DAB1: variants seen among roughly 807,000 people sequenced by gnomAD.
DAB1 encodes the protein disabled homolog 1.
Under a neutral mutation model 64.6 loss-of-function variants are expected in DAB1, and 15 were observed. The ratio of observed to expected loss-of-function variants is 0.23; its 90% CI spans 0.16 to 0.36. DAB1 has a LOEUF of 0.36. Among genes scored for constraint, DAB1 ranks in the 10% least tolerant of loss-of-function variants. The pLI, the probability that DAB1 is intolerant of heterozygous loss-of-function variation, is 1.00. For missense variants in DAB1, 596 were observed against 706.7 expected, an observed-to-expected ratio of 0.84 and a Z score of 1.78; for synonymous variants, 235 against 251.9, an observed-to-expected ratio of 0.93 and a Z score of 0.64.
intron 8 of DAB1, among the ~76,000 whole-genome samples, chr1:57,063,968 C>A (rs571366875): frequency 2.1e-4 from 32 of 152,300 alleles, no homozygotes; most frequent in African/African-American, 7.5e-4. Flanking sequence ...AATGGTCTGA[C>A]AACATGCCTT....
chr1:57,941,247 A>G (rs1209933685), intron 5 of DAB1, among the ~76,000 whole-genome samples: 1 of 152,214 alleles, frequency 6.6e-6, no homozygotes, highest in Non-Finnish European at 1.5e-5. Flanking sequence ...CAGACACTGG[A>G]GATGGTCCAT....
At chr1:58,105,842 T>C (rs1180687632) in intron 5 of DAB1, among the ~76,000 whole-genome samples, 5 of 152,204 alleles carry the variant, frequency 3.3e-5, no homozygotes, top group Admixed American at 3.3e-4. Flanking sequence ...TCTCTGCCAT[T>C]TGCTTAGTTC....
intron 2 of DAB1, among the ~76,000 whole-genome samples, chr1:57,223,811 C>A (rs554761575): frequency 6.6e-6 from 1 of 152,184 alleles, no homozygotes; most frequent in African/African-American, 2.4e-5. Context: ...AGGGCCTGAG[C>A]TGGTCCTGCT....
chr1:58,085,543 T>G (rs1393564667), intron 5 of DAB1, among the ~76,000 whole-genome samples: 1 of 151,832 alleles, frequency 6.6e-6, no homozygotes, highest in Non-Finnish European at 1.5e-5. Flanking sequence ...TTTCAAAAAC[T>G]TTTGCATAGA....
At chr1:57,121,139 A>AAGG (rs759548105) in intron 4 of DAB1, among the ~76,000 whole-genome samples, 107 of 78,416 alleles carry the variant, frequency 1.4e-3, no homozygotes, top group Non-Finnish European at 2.4e-3. Flanking sequence ...AGAGAAGAAG[A>AAGG]AGGAGGAGGA....
At chr1:57,125,755 C>T (rs972565271) in intron 4 of DAB1, among the ~76,000 whole-genome samples, 1 of 152,116 alleles carries the variant, frequency 6.6e-6, no homozygotes, top group African/African-American at 2.4e-5. Flanking sequence ...CTGAGAAGGA[C>T]AGACGTGGCT....
chr1:57,041,720 T>G (rs1647815124), intron 9 of DAB1, among the ~76,000 whole-genome samples: 1 of 152,204 alleles, frequency 6.6e-6, no homozygotes, highest in African/African-American at 2.4e-5. Context: ...GATCTTCTAT[T>G]AAGTCAACAA....
intron 5 of DAB1, among the ~76,000 whole-genome samples, chr1:58,065,301 A>C (rs1648786636): frequency 6.6e-6 from 1 of 152,190 alleles, no homozygotes; most frequent in African/African-American, 2.4e-5. Flanking sequence ...ATTATATTAT[A>C]GTACATTAAT....
chr1:57,385,675 G>T (rs761876152), intron 1 of DAB1, among the ~76,000 whole-genome samples: 1 of 152,098 alleles, frequency 6.6e-6, no homozygotes, highest in African/African-American at 2.4e-5. Context: ...GTTCAGTAAG[G>T]GTGAAATATA....
intron 6 of DAB1, among the ~76,000 whole-genome samples, chr1:57,773,949 A>G (rs561340473): frequency 5.9e-5 from 9 of 151,922 alleles, no homozygotes; most frequent in Non-Finnish European, 1.0e-4. Context: ...AATTTTGTTA[A>G]TCTTTTCCAA....
At chr1:57,016,023 T>C (rs78825414) in intron 11 of DAB1, among the ~76,000 whole-genome samples, 1,811 of 152,342 alleles carry the variant, frequency 0.012, 38 homozygotes, top group African/African-American at 0.041. Flanking sequence ...TCCATGACTT[T>C]ATTTGTAAAA....
chr1:57,556,853 G>C (rs750987755), intron 7 of DAB1, among the ~76,000 whole-genome samples: 26 of 152,164 alleles, frequency 1.7e-4, no homozygotes, highest in Non-Finnish European at 3.5e-4. Context: ...CTTTGCCTAA[G>C]CCAATGTCTA....
At chr1:58,474,172 C>T (rs1224753110) in intron 3 of DAB1, among the ~76,000 whole-genome samples, 1 of 152,138 alleles carries the variant, frequency 6.6e-6, no homozygotes, top group Middle Eastern at 3.2e-3. Context: ...CAATAGCCAG[C>T]TTGCAGCACA....
At chr1:57,385,235 T>C (rs1175719137) in intron 1 of DAB1, among the ~76,000 whole-genome samples, 1 of 152,220 alleles carries the variant, frequency 6.6e-6, no homozygotes, top group African/African-American at 2.4e-5. Context: ...TTACTACATT[T>C]TGGAAAAAGA....
chr1:58,398,604 C>A (rs1644543292), intron 3 of DAB1, among the ~76,000 whole-genome samples: 1 of 152,260 alleles, frequency 6.6e-6, no homozygotes, highest in Admixed American at 6.5e-5. Context: ...AGCAGCATAG[C>A]ATTACCTTGT....
At chr1:57,602,525 G>A (rs573712756) in intron 7 of DAB1, among the ~76,000 whole-genome samples, 1 of 152,246 alleles carries the variant, frequency 6.6e-6, no homozygotes, top group South Asian at 2.1e-4. Flanking sequence ...AAAGGATGAG[G>A]GTGAGTATGT....
intron 4 of DAB1, among the ~76,000 whole-genome samples, chr1:58,187,432 G>A (rs1440487296): frequency 6.6e-6 from 1 of 151,352 alleles, no homozygotes; most frequent in Non-Finnish European, 1.5e-5. Flanking sequence ...GCTACATCAT[G>A]CTACTGCACT....
rs141172119 is a variant in DAB1 at position 57,415,903 on chromosome 1, G to T, written c.-137+8027C>A. ...ACACCACAAAGTTCATTCTTGTTCT[G>T]CTAACTGCTGGGATTTAACTGCTAC... On this transcript the variant is annotated intron_variant, in intron 1 of 14. Transcript: ENST00000371236. Among the ~76,000 whole-genome samples the T allele has an allele frequency of 2.2e-4, 34 of 152,226 alleles. No homozygotes were observed. In the Middle Eastern group the frequency reaches 0.01, roughly 46 times the overall value.
chr1:58,497,641 G>A (rs1645825374), intron 3 of DAB1, among the ~76,000 whole-genome samples: 1 of 152,106 alleles, frequency 6.6e-6, no homozygotes, highest in East Asian at 1.9e-4. Context: ...TTTTCTCAGA[G>A]AAATATGTAT....
Sources: allele counts gnomAD v4.1 joint callset (sites outside exome capture counted in the v4.1 genomes callset), GRCh38; gene constraint gnomAD v4.1.1; transcripts MANE v1.5; gene names NCBI Gene and HGNC (gene_info 2026-07-23, HGNC 2026-07-21).